The following SYT6 variants were observed in gnomAD, a reference collection of about 807,000 sequenced individuals.
SYT6 encodes synaptotagmin 6.
In SYT6, 24 loss-of-function variants were observed where a neutral mutation model predicts 38.4. That is an observed-to-expected ratio of 0.62 (90% confidence interval 0.45 to 0.88). The LOEUF is 0.88. Among genes scored for constraint, SYT6 ranks in the 40% least tolerant of loss-of-function variants. The probability of loss-of-function intolerance (pLI) is 0.00; values close to 1 mark genes in which losing one functional copy is unlikely to be tolerated. For synonymous variants in SYT6, 265 were observed against 241.9 expected, an observed-to-expected ratio of 1.10 and a Z score of -0.89; for missense variants, 611 against 621.0, an observed-to-expected ratio of 0.98 and a Z score of 0.17.
At chr1:114,151,512 C>T (rs1679435950) in intron 1 of SYT6, among the ~76,000 whole-genome samples, 1 of 152,164 alleles carries the variant, frequency 6.6e-6, no homozygotes, top group South Asian at 2.1e-4. Context: ...CTGTGCCTCC[C>T]CCTACCAAGA....
intron 4 of SYT6, among the ~76,000 whole-genome samples, chr1:114,101,635 G>A (rs1238797463): frequency 1.3e-5 from 2 of 152,166 alleles, no homozygotes; most frequent in African/African-American, 2.4e-5. Context: ...TCAAGAATAG[G>A]CAATTAATAA....
At chr1:114,136,446 C>T (rs901137) in intron 3 of SYT6, among the ~76,000 whole-genome samples, 35,105 of 152,132 alleles carry the variant, frequency 0.23, 4,149 homozygotes, top group Non-Finnish European at 0.25. Context: ...GAGCTCTCAG[C>T]TGCCTGGGGG....
intron 3 of SYT6, among the ~76,000 whole-genome samples, chr1:114,135,444 C>G (rs531343179): frequency 1.6e-4 from 24 of 152,312 alleles, no homozygotes; most frequent in African/African-American, 5.8e-4. Context: ...CAGCCCCACC[C>G]TCAACCCCAT....
intron 1 of SYT6, among the ~76,000 whole-genome samples, chr1:114,148,083 C>A (rs1201453681): frequency 1.3e-5 from 2 of 152,200 alleles, no homozygotes; most frequent in Non-Finnish European, 2.9e-5. Context: ...TTAAATGAGA[C>A]TGTCTGGTTG....
At chr1:114,119,285 T>C (rs1677226577) in intron 3 of SYT6, among the ~76,000 whole-genome samples, 1 of 152,168 alleles carries the variant, frequency 6.6e-6, no homozygotes. Flanking sequence ...TTTCTCTTAC[T>C]TTCCAATTCC....
intron 3 of SYT6, among the ~76,000 whole-genome samples, chr1:114,114,309 A>T (rs1000881431): frequency 3.3e-5 from 5 of 152,170 alleles, no homozygotes; most frequent in Admixed American, 1.3e-4. Flanking sequence ...TCTCAACCTC[A>T]TATTTTACTC....
chr1:114,119,006 C>T (rs1417277677), intron 3 of SYT6, among the ~76,000 whole-genome samples: 3 of 152,246 alleles, frequency 2.0e-5, no homozygotes, highest in African/African-American at 7.2e-5. Context: ...CATCCAGCAA[C>T]TCAGTCCCAG....
At chr1:114,150,809 T>A (rs556425270) in intron 1 of SYT6, among the ~76,000 whole-genome samples, 1 of 152,268 alleles carries the variant, frequency 6.6e-6, no homozygotes, top group East Asian at 1.9e-4. Flanking sequence ...TTGCTTTTAG[T>A]TTGGACAGTT....
At chr1:114,119,508 T>A (rs1420309433) in intron 3 of SYT6, among the ~76,000 whole-genome samples, 1 of 152,262 alleles carries the variant, frequency 6.6e-6, no homozygotes, top group East Asian at 1.9e-4. Flanking sequence ...AATTCTCTTC[T>A]TTAATCCTCA....
chr1:114,137,897 C>T lies in SYT6; in HGVS notation c.669G>A (p.Lys223=). The change falls in exon 3 of 8, where the codon AAG becomes AAA. Residue 223 remains lysine (K), a synonymous_variant. Coordinates refer to ENST00000610222, the MANE Select transcript of SYT6 (RefSeq NM_001253772.2). Reference sequence around the variant, plus strand: ...TCCCGCAGCTCTTGGTGGCCTCAGACTTGGCATCCTCCCCATCCACCGACT... The same window carrying T: ...TCCCGCAGCTCTTGGTGGCCTCAGATTTGGCATCCTCCCCATCCACCGACT... ...KQKSVDGEDA[K]SEATKSCGKI... is the part of the protein sequence containing the mutation. 1 of 1,614,074 alleles carries T rather than the reference C, an allele frequency of 6.2e-7. No homozygotes were observed.
Position 114,150,583 on chromosome 1 carries a change from G to A in SYT6, c.163+3027C>T, listed in dbSNP as rs1679393815. 2.0e-5 allele frequency among the ~76,000 whole-genome samples: 3 copies of A among 152,248 alleles called. No individual in the cohort carries two copies. In the South Asian group the frequency reaches 6.2e-4, roughly 32 times the overall value. ...CTCCTGTCAGGTTTCTGCATTTGCT[G>A]GAGCACTTCTGGACCTCTGCTTGCT... On this transcript the variant is annotated intron_variant, in intron 1 of 7. Transcript: ENST00000610222.
chr1:114,148,729 T>C (rs564613834), intron 1 of SYT6, among the ~76,000 whole-genome samples: 10 of 152,330 alleles, frequency 6.6e-5, no homozygotes, highest in African/African-American at 2.4e-4. Flanking sequence ...TTATGCCCTT[T>C]ACATTATCTA....
At chr1:114,129,012 C>T (rs139929465) in intron 3 of SYT6, among the ~76,000 whole-genome samples, 1 of 152,206 alleles carries the variant, frequency 6.6e-6, no homozygotes, top group Non-Finnish European at 1.5e-5. Flanking sequence ...AGCATCGCCA[C>T]TTGGATGTCC....
chr1:114,147,389 GC>G (rs1679208985), intron 1 of SYT6, among the ~76,000 whole-genome samples: 1 of 152,224 alleles, frequency 6.6e-6, no homozygotes. Context: ...GGGAAAAGAA[GC>G]CTATTGCTCA....
At chr1:114,099,392 T>G in intron 4 of SYT6, 127 bp from the exon 5 acceptor site, 1 of 913,260 alleles carries the variant, frequency 1.1e-6, no homozygotes, top group Non-Finnish European at 1.6e-6. Context: ...AGTGGGTTGT[T>G]AAAATAATTA....
intron 1 of SYT6, chr1:114,152,737 G>T (rs1048339578): frequency 4.6e-5 from 7 of 152,160 alleles, no homozygotes; most frequent in Admixed American, 4.6e-4. Context: ...CCAGGGTCCA[G>T]CCCGGCGGGG....
chr1:114,123,317 T>C (rs1677533296), intron 3 of SYT6, among the ~76,000 whole-genome samples: 1 of 152,196 alleles, frequency 6.6e-6, no homozygotes, highest in Non-Finnish European at 1.5e-5. Context: ...GGACTGTTCC[T>C]AGCACATGGT....
chr1:114,145,932 T>C (rs1679133776), intron 1 of SYT6, among the ~76,000 whole-genome samples: 1 of 152,056 alleles, frequency 6.6e-6, no homozygotes, highest in Admixed American at 6.5e-5. Flanking sequence ...CTTGGTGTGG[T>C]TGCTATTTAG....
At chr1:114,130,810 A>G (rs1044789079) in intron 3 of SYT6, among the ~76,000 whole-genome samples, 4 of 151,796 alleles carry the variant, frequency 2.6e-5, no homozygotes, top group Non-Finnish European at 4.4e-5. Flanking sequence ...CTTACCTCTT[A>G]CTCCTGCCCA....
Sources: gnomAD v4.1 joint callset for allele counts (sites outside exome capture counted in the v4.1 genomes callset) on GRCh38, gnomAD v4.1.1 for gene constraint, MANE v1.5 for transcripts, NCBI Gene and HGNC (gene_info 2026-07-23, HGNC 2026-07-21) for gene names.